The following PTPRN2 variants were observed in gnomAD, a reference collection of about 807,000 sequenced individuals.
PTPRN2 encodes the protein receptor-type tyrosine-protein phosphatase N2.
A neutral mutation model predicts 118.8 loss-of-function variants in PTPRN2; 74 were observed. The ratio of observed to expected loss-of-function variants is 0.62; its 90% CI spans 0.52 to 0.76. The LOEUF is 0.76. Among genes scored for constraint, PTPRN2 ranks in the 30% least tolerant of loss-of-function variants. The pLI is 0.00. For synonymous variants in PTPRN2, 641 were observed against 608.0 expected, an observed-to-expected ratio of 1.05 and a Z score of -0.80; for missense variants, 1,481 against 1,394.4, an observed-to-expected ratio of 1.06 and a Z score of -0.99.
chr7:158,117,074 A>T (rs1386510395), intron 9 of PTPRN2, among the ~76,000 whole-genome samples: 2 of 152,158 alleles, frequency 1.3e-5, no homozygotes, highest in Non-Finnish European at 2.9e-5. Flanking sequence ...AAGGTAAGTC[A>T]ACAATAATTG....
intron 2 of PTPRN2, among the ~76,000 whole-genome samples, chr7:158,474,575 C>T (rs1820100333): frequency 6.6e-6 from 1 of 152,234 alleles, no homozygotes; most frequent in African/African-American, 2.4e-5. Flanking sequence ...GCCCAAACTA[C>T]GGGCCACCTC....
chr7:157,979,892 C>T (rs1473199159), intron 11 of PTPRN2, among the ~76,000 whole-genome samples: 1 of 152,184 alleles, frequency 6.6e-6, no homozygotes, highest in Admixed American at 6.5e-5. Context: ...GTCCCAGAGC[C>T]AGAGCCCCCG....
At chr7:157,655,466 T>C (rs758422659) in intron 14 of PTPRN2, among the ~76,000 whole-genome samples, 4 of 152,208 alleles carry the variant, frequency 2.6e-5, no homozygotes, top group Non-Finnish European at 5.9e-5. Context: ...TATTAACTCA[T>C]TAGGCAAAAA....
At chr7:157,936,416 C>T (rs1441909344) in intron 11 of PTPRN2, among the ~76,000 whole-genome samples, 2 of 152,198 alleles carry the variant, frequency 1.3e-5, no homozygotes, top group African/African-American at 4.8e-5. Flanking sequence ...CCACCAGGCC[C>T]CGCGAGCATC....
chr7:158,523,721 A>AGTCGTCTACCCTGGAGTGGAGTC (rs1480281531), intron 1 of PTPRN2, among the ~76,000 whole-genome samples: 1 of 47,482 alleles, frequency 2.1e-5, no homozygotes, highest in African/African-American at 9.8e-5. Flanking sequence ...CCTGGAGTGG[A>AGTCGTCTACCCTGGAGTGGAGTC]GTCTGCCCTG....
At chr7:157,562,405 G>A (rs748387648) in intron 21 of PTPRN2, among the ~76,000 whole-genome samples, 6 of 152,172 alleles carry the variant, frequency 3.9e-5, no homozygotes, top group East Asian at 1.9e-4. Flanking sequence ...GACCTGCTGT[G>A]GGGGAAGGAG....
rs115730707 is a variant in PTPRN2, at chr7:158,462,014, C to A, written c.163+27721G>T. On this transcript the variant is annotated intron_variant, in intron 2 of 22. Coordinates refer to ENST00000389418, the MANE Select transcript of PTPRN2 (RefSeq NM_002847.5). ...AACGCCTCCCGTCCTTGGATAGAAC[C>A]GCCTGGGTGCTTCGGTTCGTACTTC... 2.8e-3 allele frequency among the ~76,000 whole-genome samples: 417 copies of A among 149,280 alleles called. 3 individuals are homozygous for A. The highest frequency in any genetic ancestry group is 9.9e-3 in the African/African-American group (384 of 38,650).
intron 13 of PTPRN2, among the ~76,000 whole-genome samples, chr7:157,663,309 C>T (rs533132058): frequency 4.6e-5 from 7 of 152,288 alleles, no homozygotes; most frequent in South Asian, 2.1e-4. Context: ...GGAGTCCCAG[C>T]GGCACTGGCT....
intron 12 of PTPRN2, among the ~76,000 whole-genome samples, chr7:157,720,147 T>C (rs527473129): frequency 6.6e-5 from 10 of 152,344 alleles, no homozygotes; most frequent in African/African-American, 2.2e-4. Context: ...CTCAGCTGCA[T>C]GGCACCACCA....
chr7:158,369,559 A>G (rs1809803111), intron 2 of PTPRN2, among the ~76,000 whole-genome samples: 1 of 152,172 alleles, frequency 6.6e-6, no homozygotes, highest in African/African-American at 2.4e-5. Context: ...AGAGAAAGTA[A>G]AAGGGCCAAG....
At chr7:158,535,581 T>C (rs1221841013) in intron 1 of PTPRN2, among the ~76,000 whole-genome samples, 1 of 152,148 alleles carries the variant, frequency 6.6e-6, no homozygotes, top group Non-Finnish European at 1.5e-5. Context: ...GGTCAGACCA[T>C]GGCACTGAGG....
At chr7:158,106,655 T>C (rs1399116600) in intron 10 of PTPRN2, among the ~76,000 whole-genome samples, 7 of 152,192 alleles carry the variant, frequency 4.6e-5, no homozygotes, top group African/African-American at 1.7e-4. Context: ...AGTCTGCCCT[T>C]GGGGATATAA....
At chr7:158,123,807 G>A (rs575589116) in intron 9 of PTPRN2, among the ~76,000 whole-genome samples, 10 of 152,326 alleles carry the variant, frequency 6.6e-5, no homozygotes, top group East Asian at 5.8e-4. Flanking sequence ...AAATAGGATC[G>A]GGAAGTGCCT....
At chr7:158,293,756 T>TA (rs35511035) in intron 3 of PTPRN2, among the ~76,000 whole-genome samples, 135,460 of 147,162 alleles carry the variant, frequency 0.92, 62,398 homozygotes, top group Middle Eastern at 0.96. Flanking sequence ...ACTTTTTTGT[T>TA]AAAAAAAAAA....
chr7:158,482,123 G>C (rs1162362671), intron 2 of PTPRN2, among the ~76,000 whole-genome samples: 1 of 152,188 alleles, frequency 6.6e-6, no homozygotes, highest in Non-Finnish European at 1.5e-5. Flanking sequence ...TGCTTCCTAG[G>C]GACGAGCAAA....
At chr7:158,523,970 G>GTCT (rs756764793) in intron 1 of PTPRN2, among the ~76,000 whole-genome samples, 5 of 41,250 alleles carry the variant, frequency 1.2e-4, no homozygotes, top group Admixed American at 2.5e-4. Context: ...GAGTGGAGTC[G>GTCT]GCCCTGGAGT....
chr7:157,541,160 G>A (rs1053279820), intron 22 of PTPRN2, among the ~76,000 whole-genome samples: 20 of 152,318 alleles, frequency 1.3e-4, no homozygotes, highest in African/African-American at 4.3e-4. Context: ...ACAGCCACCC[G>A]CCTTGGTGGA....
At chr7:158,464,496 A>G (rs112724705) in intron 2 of PTPRN2, among the ~76,000 whole-genome samples, 83 of 121,980 alleles carry the variant, frequency 6.8e-4, no homozygotes, top group South Asian at 1.6e-3. Flanking sequence ...ATGCCATTTA[A>G]TAAATAATCC....
chr7:158,063,343 T>C (rs148946821), intron 11 of PTPRN2, among the ~76,000 whole-genome samples: 1 of 152,264 alleles, frequency 6.6e-6, no homozygotes, highest in Non-Finnish European at 1.5e-5. Context: ...CAATCAGCAC[T>C]CAGTGTCTAG....
Sources: allele counts gnomAD v4.1 joint callset (sites outside exome capture counted in the v4.1 genomes callset), GRCh38; gene constraint gnomAD v4.1.1; transcripts MANE v1.5; gene names NCBI Gene and HGNC (gene_info 2026-07-23, HGNC 2026-07-21).